ETV1: variants seen among roughly 807,000 people sequenced by gnomAD.
ETV1 encodes ETS variant transcription factor 1, also known as ETS translocation variant 1.
Under a neutral mutation model 62.3 loss-of-function variants are expected in ETV1, and 27 were observed. The observed-to-expected ratio is 0.43, with a 90% CI of 0.32 to 0.60. The LOEUF is 0.60. Among genes scored for constraint, ETV1 ranks in the 20% least tolerant of loss-of-function variants. ETV1 has a pLI of 0.06. For synonymous variants in ETV1, 222 were observed against 199.6 expected (o/e 1.11, Z -0.94); for missense variants, 605 against 605.8 (o/e 1.00, Z 0.01).
intron 9 of ETV1, among the ~76,000 whole-genome samples, chr7:13,917,514 A>G (rs1231265842): frequency 6.6e-6 from 1 of 151,758 alleles, no homozygotes; most frequent in Non-Finnish European, 1.5e-5. Flanking sequence ...ACAGGGTTTC[A>G]CTATCTTAAG....
intron 5 of ETV1, among the ~76,000 whole-genome samples, chr7:13,981,674 A>T (rs1782007673): frequency 6.6e-6 from 1 of 152,124 alleles, no homozygotes; most frequent in Admixed American, 6.5e-5. Flanking sequence ...GAAAGGGAAA[A>T]GAAAAACCAT....
chr7:13,939,390 C>A (rs1282665047), intron 6 of ETV1, 144 bp from the exon 7 acceptor site: 2 of 655,246 alleles, frequency 3.1e-6, no homozygotes, highest in Non-Finnish European at 4.9e-6. Context: ...TGATGAATTT[C>A]AGTAGCAGAA....
intron 12 of ETV1, among the ~76,000 whole-genome samples, chr7:13,902,270 G>T (rs1782516926): frequency 6.7e-6 from 1 of 148,206 alleles, no homozygotes; most frequent in African/African-American, 2.5e-5. Context: ...CTTTCTCCAG[G>T]TTTTTTTTTT....
chr7:13,930,149 T>G (rs892544693), intron 9 of ETV1, among the ~76,000 whole-genome samples: 1 of 152,210 alleles, frequency 6.6e-6, no homozygotes, highest in African/African-American at 2.4e-5. Flanking sequence ...AGGTACATGG[T>G]AACCTTATAA....
Position 13,967,628 on chromosome 7 carries a change from A to G in ETV1, c.235+9799T>C, listed in dbSNP as rs1371734657. Among the ~76,000 whole-genome samples, 5 of 152,160 alleles carry G rather than the reference A, an allele frequency of 3.3e-5. No individual in the cohort carries two copies. The East Asian group carries it at 7.7e-4, about 23-fold the overall frequency. On this transcript the variant is annotated intron_variant, in intron 6 of 13. Transcript: ENST00000430479. Reference sequence around the variant, plus strand: ...GATACAGCACCAACTCTCATTAGGAAAAAATTCAGTAACAGACAGAAGCAA... The same window carrying G: ...GATACAGCACCAACTCTCATTAGGAGAAAATTCAGTAACAGACAGAAGCAA...
At chr7:13,952,271 ATC>A (rs1788914158) in intron 6 of ETV1, among the ~76,000 whole-genome samples, 1 of 152,112 alleles carries the variant, frequency 6.6e-6, no homozygotes, top group East Asian at 1.9e-4. Context: ...AGGCCAAGTC[ATC>A]TTTTTTATAG....
intron 9 of ETV1, among the ~76,000 whole-genome samples, chr7:13,915,924 A>C (rs1784106556): frequency 6.6e-6 from 1 of 152,220 alleles, no homozygotes; most frequent in East Asian, 1.9e-4. Context: ...CTCAATGTGA[A>C]TATAACATCT....
chr7:13,933,075 C>A (rs1786377243), intron 8 of ETV1, among the ~76,000 whole-genome samples: 1 of 151,408 alleles, frequency 6.6e-6, no homozygotes, highest in Non-Finnish European at 1.5e-5. Flanking sequence ...TTTCATTAGC[C>A]AAAAAAAGAA....
At chr7:13,978,297 CT>C (rs1331946987) in intron 5 of ETV1, among the ~76,000 whole-genome samples, 1 of 152,036 alleles carries the variant, frequency 6.6e-6, no homozygotes, top group Non-Finnish European at 1.5e-5. Flanking sequence ...GCATTTTTCA[CT>C]TCTAAAATGT....
chr7:13,920,441 AGT>A (rs4027263), intron 9 of ETV1, among the ~76,000 whole-genome samples: 398 of 148,322 alleles, frequency 2.7e-3, no homozygotes, highest in East Asian at 5.6e-3. Flanking sequence ...AGAGTGAGTG[AGT>A]GTGTGTGTGT....
intron 13 of ETV1, among the ~76,000 whole-genome samples, chr7:13,899,443 G>C (rs1026291961): frequency 1.3e-5 from 2 of 152,186 alleles, no homozygotes; most frequent in African/African-American, 2.4e-5. Context: ...AGGGCACTGA[G>C]ATAATATGCC....
chr7:13,895,784 A>G lies in ETV1; in HGVS notation c.*82T>C. ...TAAAAATAAAATACAAACAACAGAA[A>G]TAAAACAAAGATTCAGCAATTCTCT... On this transcript the variant is annotated 3_prime_UTR_variant, in exon 14 of 14. Transcript: ENST00000430479. The G allele has an allele frequency of 1.1e-6, 1 of 921,716 alleles. No individual in the cohort carries two copies. Among genetic ancestry groups the G allele is most frequent in the African/African-American group, 1.7e-5 (1 of 59,688 alleles). 57.1% of individuals were successfully genotyped at this position (921,716 alleles called of 1,614,324 possible). A position where few individuals can be genotyped will look rare whatever the true frequency, so the allele number is the denominator to read the frequency against.
intron 7 of ETV1, 38 bp downstream of exon 7, chr7:13,939,079 G>C: frequency 3.8e-6 from 6 of 1,577,738 alleles, no homozygotes; most frequent in Non-Finnish European, 5.1e-6. Flanking sequence ...GATTCAATAA[G>C]AACCACTATC....
At chr7:13,939,763 C>T (rs1026652108) in intron 6 of ETV1, among the ~76,000 whole-genome samples, 1 of 152,064 alleles carries the variant, frequency 6.6e-6, no homozygotes, top group African/African-American at 2.4e-5. Flanking sequence ...TTACTTTGGG[C>T]AAAAACTCAA....
chr7:13,957,553 A>G (rs926162463), intron 6 of ETV1, among the ~76,000 whole-genome samples: 3 of 152,234 alleles, frequency 2.0e-5, no homozygotes, highest in Non-Finnish European at 4.4e-5. Flanking sequence ...TTGTCTACCA[A>G]CACAATACAA....
chr7:13,902,195 A>T (rs1032679090), intron 12 of ETV1, among the ~76,000 whole-genome samples: 4 of 152,126 alleles, frequency 2.6e-5, no homozygotes, highest in African/African-American at 9.7e-5. Flanking sequence ...GCTATGTCAT[A>T]TATACTAAAA....
At chr7:13,918,765 C>T (rs1784488287) in intron 9 of ETV1, among the ~76,000 whole-genome samples, 1 of 151,090 alleles carries the variant, frequency 6.6e-6, no homozygotes. Flanking sequence ...GGGAGATATA[C>T]CTAATGCTAG....
chr7:13,960,865 C>A (rs984146661), intron 6 of ETV1, among the ~76,000 whole-genome samples: 1 of 152,134 alleles, frequency 6.6e-6, no homozygotes, highest in Non-Finnish European at 1.5e-5. Flanking sequence ...AATCTGTTAT[C>A]ATATGCTGGG....
chr7:13,947,405 A>AC (rs1432655402), intron 6 of ETV1, among the ~76,000 whole-genome samples: 8 of 151,788 alleles, frequency 5.3e-5, no homozygotes, highest in South Asian at 2.1e-4. Flanking sequence ...AAAAAAAAAA[A>AC]AAACAAACTC....
Sources: gnomAD v4.1 joint callset for allele counts (sites outside exome capture counted in the v4.1 genomes callset) on GRCh38, gnomAD v4.1.1 for gene constraint, MANE v1.5 for transcripts, NCBI Gene and HGNC (gene_info 2026-07-23, HGNC 2026-07-21) for gene names.